Variants in PDSS2 observed in about 807,000 individuals in gnomAD.
The protein encoded by PDSS2 is decaprenyl diphosphate synthase subunit 2, also known as all trans-polyprenyl-diphosphate synthase PDSS2.
In PDSS2, 31 loss-of-function variants were observed where a neutral mutation model predicts 44.5. The ratio of observed to expected loss-of-function variants is 0.70; its 90% CI spans 0.52 to 0.94. The LOEUF (loss-of-function observed/expected upper bound fraction) is 0.94. Ranked by LOEUF, PDSS2 falls within the 40% of genes least tolerant of loss-of-function variation. The pLI, the probability that PDSS2 is intolerant of heterozygous loss-of-function variation, is 0.00. For synonymous variants in PDSS2, 157 were observed against 180.3 expected, an observed-to-expected ratio of 0.87 and a Z score of 1.03; for missense variants, 452 against 482.2, an observed-to-expected ratio of 0.94 and a Z score of 0.59.
chr6:107,224,609 A>C lies in PDSS2; in HGVS notation c.703-12327T>G, dbSNP rs576268425. ...TATACAGTTAGAGTAAAATATATAT[A>C]GAGAGAGTAAAATATACATCTTCAC... On this transcript the variant is annotated intron_variant, in intron 4 of 7. Transcript: ENST00000369037. 3.2e-4 allele frequency among the ~76,000 whole-genome samples: 48 copies of C among 151,408 alleles called. No individual in the cohort carries two copies. In the South Asian group the frequency reaches 4.1e-3, roughly 13 times the overall value.
intron 7 of PDSS2, among the ~76,000 whole-genome samples, chr6:107,161,779 T>A (rs567828330): frequency 6.6e-6 from 1 of 152,284 alleles, no homozygotes; most frequent in African/African-American, 2.4e-5. Context: ...CTGACTCAAG[T>A]ACTAGTGCTA....
chr6:107,412,352 C>A (rs1334418649), intron 1 of PDSS2, among the ~76,000 whole-genome samples: 1 of 149,974 alleles, frequency 6.7e-6, no homozygotes. Flanking sequence ...GATTCTCCTG[C>A]CTCAGCCTCC....
chr6:107,208,934 A>G (rs1773105410), intron 6 of PDSS2, among the ~76,000 whole-genome samples: 1 of 151,816 alleles, frequency 6.6e-6, no homozygotes, highest in Non-Finnish European at 1.5e-5. Flanking sequence ...TCTTTTTTTA[A>G]AAAATCATCT....
At chr6:107,236,566 A>G (rs1448624569) in intron 4 of PDSS2, among the ~76,000 whole-genome samples, 1 of 152,214 alleles carries the variant, frequency 6.6e-6, no homozygotes, top group Non-Finnish European at 1.5e-5. Flanking sequence ...TTCTGGCATT[A>G]CAGATCTTCT....
intron 2 of PDSS2, among the ~76,000 whole-genome samples, chr6:107,309,922 CA>C (rs916074437): frequency 1.3e-5 from 2 of 152,136 alleles, no homozygotes; most frequent in Non-Finnish European, 2.9e-5. Context: ...CAAAATACCA[CA>C]GGCTGGGTGG....
intron 1 of PDSS2, among the ~76,000 whole-genome samples, chr6:107,403,230 C>T (rs180746598): frequency 6.6e-6 from 1 of 152,284 alleles, no homozygotes; most frequent in Admixed American, 6.5e-5. Flanking sequence ...ACAAGGCAGT[C>T]ATTAAACCTT....
intron 1 of PDSS2, among the ~76,000 whole-genome samples, chr6:107,355,356 T>C (rs897102513): frequency 1.3e-5 from 2 of 152,222 alleles, no homozygotes; most frequent in African/African-American, 4.8e-5. Flanking sequence ...ACAGTATATA[T>C]GGTTTAATTG....
intron 4 of PDSS2, among the ~76,000 whole-genome samples, chr6:107,244,584 T>C (rs1348359962): frequency 6.6e-6 from 1 of 152,206 alleles, no homozygotes; most frequent in Admixed American, 6.5e-5. Flanking sequence ...GAACCAAACG[T>C]TGGCAGATGT....
At chr6:107,228,719 TAAAC>T (rs71803225) in intron 4 of PDSS2, among the ~76,000 whole-genome samples, 33,208 of 135,046 alleles carry the variant, frequency 0.25, 4,177 homozygotes, top group East Asian at 0.52. Flanking sequence ...AATAAATAAA[TAAAC>T]AAACAAACAA....
In PDSS2 at chr6:107,330,312, T is replaced by C. The variant is rs188267389; in HGVS notation, c.431+3886A>G. ...TCAGTCACATGGCCAGCCACCTGCA[T>C]GGGAAGCTGAGAAATGTAGTCTAGC... On this transcript the variant is annotated intron_variant, in intron 2 of 7. Coordinates refer to ENST00000369037, the MANE Select transcript of PDSS2 (RefSeq NM_020381.4). Among the ~76,000 whole-genome samples the C allele has an allele frequency of 3.3e-5, 5 of 152,276 alleles. No homozygotes were observed. In the East Asian group the frequency reaches 9.7e-4, roughly 29 times the overall value.
chr6:107,409,905 T>C (rs1780435796), intron 1 of PDSS2, among the ~76,000 whole-genome samples: 1 of 152,076 alleles, frequency 6.6e-6, no homozygotes, highest in South Asian at 2.1e-4. Context: ...GAAAGGAAAA[T>C]ATGACCTTAC....
chr6:107,372,994 T>G (rs1459467485), intron 1 of PDSS2, among the ~76,000 whole-genome samples: 2 of 151,666 alleles, frequency 1.3e-5, no homozygotes, highest in African/African-American at 4.8e-5. Context: ...TTTTTTTTTT[T>G]TTTTTTTTAA....
intron 2 of PDSS2, among the ~76,000 whole-genome samples, chr6:107,322,248 G>T (rs541555597): frequency 6.6e-6 from 1 of 152,120 alleles, no homozygotes; most frequent in Non-Finnish European, 1.5e-5. Context: ...GGCCAGGTGT[G>T]GTGGCTCATG....
At chr6:107,455,710 G>A (rs962577379) in intron 1 of PDSS2, among the ~76,000 whole-genome samples, 7 of 126,974 alleles carry the variant, frequency 5.5e-5, no homozygotes, top group Admixed American at 5.1e-4. Flanking sequence ...GCCGAGATCA[G>A]GCCACTGGGC....
chr6:107,362,007 C>T (rs1778794513), intron 1 of PDSS2, among the ~76,000 whole-genome samples: 1 of 152,192 alleles, frequency 6.6e-6, no homozygotes, highest in Admixed American at 6.5e-5. Context: ...GAAGACTGCA[C>T]TTGATTTTGA....
At chr6:107,371,175 T>A (rs1235306591) in intron 1 of PDSS2, among the ~76,000 whole-genome samples, 1 of 57,002 alleles carries the variant, frequency 1.8e-5, no homozygotes, top group African/African-American at 5.1e-5. Flanking sequence ...AGCAAAACTC[T>A]GTCTCAAAGT....
At chr6:107,200,248 T>G (rs1361064056) in intron 6 of PDSS2, among the ~76,000 whole-genome samples, 1 of 152,242 alleles carries the variant, frequency 6.6e-6, no homozygotes, top group Non-Finnish European at 1.5e-5. Context: ...GATGGATATG[T>G]TGGGAGCCAG....
rs371889289 is a variant in PDSS2, at chr6:107,351,889, G to A, written c.297-17557C>T. On this transcript the variant is annotated intron_variant, in intron 1 of 7. Coordinates refer to ENST00000369037, the MANE Select transcript of PDSS2 (RefSeq NM_020381.4). ...TTAACACAGCCACATATTGATATAC[G>A]TTTCTGAAACAATCTATCAGATGAT... Among the ~76,000 whole-genome samples, 21 of 152,114 alleles carry A rather than the reference G, an allele frequency of 1.4e-4. No individual in the cohort carries two copies. In the South Asian group the frequency reaches 3.3e-3, roughly 24 times the overall value.
chr6:107,413,283 T>G (rs939387586), intron 1 of PDSS2, among the ~76,000 whole-genome samples: 2 of 152,338 alleles, frequency 1.3e-5, no homozygotes, highest in East Asian at 1.9e-4. Flanking sequence ...GGCTCACACC[T>G]ATAATCCCAG....
Sources: allele counts gnomAD v4.1 joint callset (sites outside exome capture counted in the v4.1 genomes callset), GRCh38; gene constraint gnomAD v4.1.1; transcripts MANE v1.5; gene names NCBI Gene and HGNC (gene_info 2026-07-23, HGNC 2026-07-21).